Variants in PCED1B observed in about 807,000 individuals in gnomAD.
PCED1B encodes PC-esterase domain containing 1B, also known as PC-esterase domain-containing protein 1B.
For synonymous variants in PCED1B, 251 were observed against 246.1 expected (o/e 1.02, Z -0.19); for missense variants, 573 against 573.9 (o/e 1.00, Z 0.02).
At chr12:47,112,755 T>A (rs1024357772) in intron 2 of PCED1B, among the ~76,000 whole-genome samples, 1 of 152,228 alleles carries the variant, frequency 6.6e-6, no homozygotes, top group South Asian at 2.1e-4. Flanking sequence ...CTTTCTCTTA[T>A]GCCTTTTGGA....
chr12:47,197,612 AAAAT>A (rs758658878), intron 2 of PCED1B, among the ~76,000 whole-genome samples: 2 of 151,680 alleles, frequency 1.3e-5, no homozygotes, highest in Non-Finnish European at 2.9e-5. Context: ...CTGTCTCAAA[AAAAT>A]AAATAAATAA....
At chr12:47,214,689 G>T (rs1943196052) in intron 2 of PCED1B, among the ~76,000 whole-genome samples, 1 of 151,974 alleles carries the variant, frequency 6.6e-6, no homozygotes, top group Non-Finnish European at 1.5e-5. Context: ...TTAATTATAT[G>T]CACACACACT....
intron 2 of PCED1B, among the ~76,000 whole-genome samples, chr12:47,148,981 C>T (rs895216971): frequency 6.6e-6 from 1 of 152,186 alleles, no homozygotes; most frequent in Non-Finnish European, 1.5e-5. Context: ...TTTCCACTGT[C>T]CTCATTCCTT....
intron 2 of PCED1B, among the ~76,000 whole-genome samples, chr12:47,181,981 G>T (rs900763925): frequency 6.6e-6 from 1 of 152,194 alleles, no homozygotes; most frequent in African/African-American, 2.4e-5. Flanking sequence ...AAGGCTGAAG[G>T]CTTCACAAAC....
rs1459348902 is a variant in PCED1B at position 47,134,651 on chromosome 12, C to T, written c.-526+30456C>T. Among the ~76,000 whole-genome samples, 12 of 152,234 alleles carry T rather than the reference C, an allele frequency of 7.9e-5. No homozygotes were observed. In the East Asian group the frequency reaches 9.7e-4, roughly 12 times the overall value. ...TTGGGAGGCTGAGGAAGGCGGATCA[C>T]GAGGTCAACAGATCGAGACCATCCT... is the stretch of plus-strand genomic sequence containing the variant. On this transcript the variant is annotated intron_variant, in intron 2 of 3. Transcript: ENST00000546455.
intron 3 of PCED1B, among the ~76,000 whole-genome samples, chr12:47,219,478 C>T (rs1943406334): frequency 6.6e-6 from 1 of 152,210 alleles, no homozygotes; most frequent in Non-Finnish European, 1.5e-5. Context: ...GTTGAAAGCA[C>T]TCGTCATTAT....
chr12:47,198,010 T>C (rs906652784), intron 2 of PCED1B, among the ~76,000 whole-genome samples: 1 of 152,126 alleles, frequency 6.6e-6, no homozygotes, highest in African/African-American at 2.4e-5. Flanking sequence ...TTCCAGAAAA[T>C]AGAAGTGAAG....
At chr12:47,083,017 G>T (rs1243726454) in intron 1 of PCED1B, among the ~76,000 whole-genome samples, 1 of 148,924 alleles carries the variant, frequency 6.7e-6, no homozygotes, top group Admixed American at 6.7e-5. Flanking sequence ...TGAGAAGGGG[G>T]TGTGGTCATG....
At chr12:47,096,041 C>T (rs569313576) in intron 1 of PCED1B, among the ~76,000 whole-genome samples, 21 of 152,024 alleles carry the variant, frequency 1.4e-4, no homozygotes, top group Non-Finnish European at 2.6e-4. Context: ...TAATTGAGGT[C>T]TCCTTGTTTC....
intron 2 of PCED1B, among the ~76,000 whole-genome samples, chr12:47,113,699 T>C (rs912813874): frequency 1.3e-5 from 2 of 152,198 alleles, no homozygotes; most frequent in African/African-American, 4.8e-5. Context: ...AATTTTTTTT[T>C]TTTAAGAATG....
At chr12:47,080,121 C>G (rs1025092111) in intron 1 of PCED1B, among the ~76,000 whole-genome samples, 2 of 152,114 alleles carry the variant, frequency 1.3e-5, no homozygotes, top group Non-Finnish European at 2.9e-5. Context: ...CTAGAACGGC[C>G]GCGCAGAGCG....
rs539884393 is a variant in PCED1B, at chr12:47,227,758, C to A, written c.-57-7249C>A. Among the ~76,000 whole-genome samples the A allele has an allele frequency of 2.0e-4, 30 of 151,924 alleles. No homozygotes were observed. In the Middle Eastern group the frequency reaches 0.02, roughly 103 times the overall value. ...AATTGCAGGTATCTGGAGACCAAGG[C>A]ACGACAATTGCTTGAACCCTGGAGG... is the stretch of plus-strand genomic sequence containing the variant. On this transcript the variant is annotated intron_variant, in intron 3 of 3. Coordinates refer to ENST00000546455, the MANE Select transcript of PCED1B (RefSeq NM_138371.3).
chr12:47,169,881 A>G lies in PCED1B; in HGVS notation c.-525-46341A>G, dbSNP rs368654486. Among the ~76,000 whole-genome samples the G allele has an allele frequency of 3.0e-3, 432 of 144,390 alleles. 8 individuals are homozygous for G. In the South Asian group the frequency reaches 0.041, roughly 14 times the overall value. 94.7% of individuals were successfully genotyped at this position (144,390 alleles called of 152,430 possible). ...AAAAAAAAAAAAAGTTCTTTTTATC[A>G]TTGTATATTACTCATCTTTTTTTTT... On this transcript the variant is annotated intron_variant, in intron 2 of 3. Coordinates refer to ENST00000546455, the MANE Select transcript of PCED1B (RefSeq NM_138371.3).
At chr12:47,190,864 A>C (rs774582757) in intron 2 of PCED1B, among the ~76,000 whole-genome samples, 1 of 152,188 alleles carries the variant, frequency 6.6e-6, no homozygotes, top group Non-Finnish European at 1.5e-5. Flanking sequence ...TTTTACGAGT[A>C]AGGTAGATAT....
chr12:47,161,503 G>A (rs562051793), intron 2 of PCED1B, among the ~76,000 whole-genome samples: 1 of 152,284 alleles, frequency 6.6e-6, no homozygotes, highest in South Asian at 2.1e-4. Context: ...AAATCAGGAA[G>A]TGTGAATCCT....
At chr12:47,198,853 C>T (rs1942684110) in intron 2 of PCED1B, among the ~76,000 whole-genome samples, 2 of 151,934 alleles carry the variant, frequency 1.3e-5, no homozygotes, top group South Asian at 4.1e-4. Flanking sequence ...GTAATCCCAG[C>T]TACTTGGGAG....
chr12:47,200,696 G>GCT (rs1255827168), intron 2 of PCED1B, among the ~76,000 whole-genome samples: 6 of 152,176 alleles, frequency 3.9e-5, no homozygotes, highest in Admixed American at 3.9e-4. Flanking sequence ...TCCAAAACTT[G>GCT]GCAGCAAATG....
intron 2 of PCED1B, among the ~76,000 whole-genome samples, chr12:47,178,179 C>T (rs1220251499): frequency 6.6e-6 from 1 of 152,136 alleles, no homozygotes; most frequent in African/African-American, 2.4e-5. Context: ...ACACTCATAC[C>T]CTGAGAATAC....
intron 2 of PCED1B, among the ~76,000 whole-genome samples, chr12:47,184,952 A>G (rs75492615): frequency 0.013 from 2,000 of 152,308 alleles, 42 homozygotes; most frequent in African/African-American, 0.046. Context: ...AGAGGTCTAG[A>G]GGTGAGTGGT....
Sources: allele counts gnomAD v4.1 joint callset (sites outside exome capture counted in the v4.1 genomes callset), GRCh38; gene constraint gnomAD v4.1.1; transcripts MANE v1.5; gene names NCBI Gene and HGNC (gene_info 2026-07-23, HGNC 2026-07-21).